GSTCD: variants seen among roughly 807,000 people sequenced by gnomAD.
The protein encoded by GSTCD is glutathione S-transferase C-terminal domain containing.
In GSTCD, 44 loss-of-function variants were observed where a neutral mutation model predicts 68.3. The ratio of observed to expected loss-of-function variants is 0.64; its 90% CI spans 0.51 to 0.83. GSTCD has a LOEUF of 0.83. GSTCD is among the 40% of genes least tolerant of loss of function. The probability of loss-of-function intolerance (pLI) is 0.00; values close to 1 mark genes in which losing one functional copy is unlikely to be tolerated. For missense variants in GSTCD, 739 were observed against 735.9 expected, an observed-to-expected ratio of 1.00 and a Z score of -0.05; for synonymous variants, 273 against 255.2, an observed-to-expected ratio of 1.07 and a Z score of -0.67.
At chr4:105,768,806 G>C (rs934806240) in intron 5 of GSTCD, among the ~76,000 whole-genome samples, 5 of 151,330 alleles carry the variant, frequency 3.3e-5, no homozygotes, top group African/African-American at 1.2e-4. Context: ...CTTCCCTTGG[G>C]AAAATTATTC....
intron 9 of GSTCD, among the ~76,000 whole-genome samples, chr4:105,837,083 T>C (rs947339312): frequency 2.6e-5 from 4 of 152,220 alleles, no homozygotes; most frequent in African/African-American, 9.6e-5. Flanking sequence ...GATTTCCTGA[T>C]GTATTAATCA....
chr4:105,774,195 C>T (rs1413719398), intron 5 of GSTCD, among the ~76,000 whole-genome samples: 3 of 151,996 alleles, frequency 2.0e-5, no homozygotes, highest in African/African-American at 7.2e-5. Flanking sequence ...TTTTTGCTTT[C>T]CATTTGCTTG....
In GSTCD at chr4:105,739,857, T is replaced by G. The variant is rs753484106; in HGVS notation, c.1240+10358T>G. Among the ~76,000 whole-genome samples, 70 of 152,112 alleles carry G rather than the reference T, an allele frequency of 4.6e-4. 1 individual carries two copies. Among genetic ancestry groups the G allele is most frequent in the Middle Eastern group, 3.2e-3 (1 of 316 alleles). ...CCCTAGGAGCAGGTGCAACCATGAC[T>G]GAGGGATGGAACGGTTCTGCCAGAA... is the stretch of plus-strand genomic sequence containing the variant. On this transcript the variant is annotated intron_variant, in intron 5 of 11. Coordinates refer to ENST00000515279, the MANE Select transcript of GSTCD (RefSeq NM_001370181.1).
At chr4:105,834,268 G>A (rs1012228753) in intron 8 of GSTCD, among the ~76,000 whole-genome samples, 193 bp from the exon 9 acceptor site, 12 of 152,130 alleles carry the variant, frequency 7.9e-5, no homozygotes, top group East Asian at 1.9e-4. Flanking sequence ...CAAATTTTCC[G>A]TTGAATGAAT....
chr4:105,788,658 C>T (rs985204476), intron 5 of GSTCD, among the ~76,000 whole-genome samples: 1 of 151,936 alleles, frequency 6.6e-6, no homozygotes, highest in African/African-American at 2.4e-5. Flanking sequence ...ATCTTTATCA[C>T]AGTCTAAAGA....
intron 3 of GSTCD, among the ~76,000 whole-genome samples, chr4:105,721,103 C>G (rs1291016090): frequency 5.9e-5 from 9 of 151,926 alleles, no homozygotes; most frequent in Non-Finnish European, 1.0e-4. Flanking sequence ...TCCCAAGTAG[C>G]TGGGATTATA....
chr4:105,721,440 T>C (rs1732855306), intron 3 of GSTCD, among the ~76,000 whole-genome samples: 2 of 152,114 alleles, frequency 1.3e-5, no homozygotes, highest in Non-Finnish European at 2.9e-5. Flanking sequence ...AAGGTCAAGT[T>C]ACCAGAAACA....
rs552111263 is a variant in GSTCD at position 105,799,362 on chromosome 4, G to A, written c.1241-23592G>A. Among the ~76,000 whole-genome samples, 20 of 152,184 alleles carry A rather than the reference G, an allele frequency of 1.3e-4. No homozygotes were observed. In the South Asian group the frequency reaches 3.3e-3, roughly 25 times the overall value. On this transcript the variant is annotated intron_variant, in intron 5 of 11. Transcript: ENST00000515279. ...TTTGCATTCATATCTTGGCTAGCTCGTGCAAGAGGTCTGTCTCAGCTTTCA... is the reference window on the plus strand; with the variant it reads ...TTTGCATTCATATCTTGGCTAGCTCATGCAAGAGGTCTGTCTCAGCTTTCA...
chr4:105,787,428 C>T (rs532870023), intron 5 of GSTCD, among the ~76,000 whole-genome samples: 9 of 152,128 alleles, frequency 5.9e-5, no homozygotes, highest in Non-Finnish European at 1.2e-4. Context: ...TAAGGCCCCA[C>T]CTCTAGAAAT....
At chr4:105,839,843 T>C (rs569667426) in intron 10 of GSTCD, among the ~76,000 whole-genome samples, 1 of 152,314 alleles carries the variant, frequency 6.6e-6, no homozygotes, top group South Asian at 2.1e-4. Flanking sequence ...GCCCATGGTC[T>C]CCTGGCTAGA....
intron 5 of GSTCD, among the ~76,000 whole-genome samples, chr4:105,752,712 A>G (rs1412294974): frequency 6.6e-6 from 1 of 152,092 alleles, no homozygotes; most frequent in East Asian, 1.9e-4. Flanking sequence ...ACCATGGTTT[A>G]TTTTAGAAAT....
intron 4 of GSTCD, among the ~76,000 whole-genome samples, chr4:105,727,192 C>T (rs1733069887): frequency 6.8e-6 from 1 of 147,370 alleles, no homozygotes; most frequent in Non-Finnish European, 1.5e-5. Flanking sequence ...AAGTTTTGGT[C>T]TCAGCCTTTT....
At chr4:105,804,989 C>T (rs963603451) in intron 5 of GSTCD, among the ~76,000 whole-genome samples, 2 of 152,012 alleles carry the variant, frequency 1.3e-5, no homozygotes, top group African/African-American at 4.8e-5. Flanking sequence ...TTTTTTATGG[C>T]TGCATAGTAA....
intron 3 of GSTCD, among the ~76,000 whole-genome samples, chr4:105,725,681 G>A (rs760734932): frequency 8.6e-5 from 13 of 151,650 alleles, no homozygotes; most frequent in East Asian, 3.9e-4. Flanking sequence ...TCATTTTCTC[G>A]TTGCTGAGTT....
chr4:105,717,608 A>C lies in GSTCD; in HGVS notation c.-6A>C, dbSNP rs201624927. 1.4e-5 allele frequency: 22 copies of C among 1,541,278 alleles called. No individual in the cohort carries two copies. In the East Asian group the frequency reaches 4.9e-4, roughly 35 times the overall value. On this transcript the variant is annotated 5_prime_UTR_variant, in exon 2 of 12. Transcript: ENST00000515279. ...TATACTTTAGGTGACCCAATGAAAG[A>C]AGAAAATGAAAGCCATAAAGAAAAG...
chr4:105,834,576 A>G lies in GSTCD; in HGVS notation c.1646A>G (p.Lys549Arg), dbSNP rs200547905. The change falls in exon 9 of 12, where the codon AAG becomes AGG. Residue 549 changes from lysine to arginine, a missense_variant. By Grantham distance (26) the Lys-to-Arg change is conservative (BLOSUM62 2). Coordinates refer to ENST00000515279, the MANE Select transcript of GSTCD (RefSeq NM_001370181.1). ...TATGGTTTCATTCAGAACACCTCAA[A>G]GTTCAATTTTCCAAAAAGGTGAGAA... ...CCYGFIQNTS[K>R]FNFPKSEQFK... The G allele has an allele frequency of 1.3e-4, 217 of 1,613,898 alleles. 1 individual carries two copies. Among genetic ancestry groups the G allele is most frequent in the Non-Finnish European group, 1.7e-4 (205 of 1,179,932 alleles).
chr4:105,840,624 A>G (rs1724297075), intron 10 of GSTCD, among the ~76,000 whole-genome samples: 1 of 152,202 alleles, frequency 6.6e-6, no homozygotes, highest in Non-Finnish European at 1.5e-5. Context: ...CTGAATGAAC[A>G]GTTGTCGTGG....
rs1212912116 is a variant in GSTCD at position 105,726,812 on chromosome 4, A to C, written c.1128A>C (p.Pro376=). The change falls in exon 4 of 12, where the codon CCA becomes CCC. Residue 376 remains proline (P), a synonymous_variant. Transcript: ENST00000515279. ...CTTTATTTATAGGAGGACCAAGACC[A>C]ACCATGGCCAAGTTAATGGTACTTA... The part of the protein sequence containing the change: ...SDPLFIGGPR[P]TMAKLMEKGI... The C allele has an allele frequency of 1.6e-5, 25 of 1,608,480 alleles. No individual in the cohort carries two copies. Among genetic ancestry groups the C allele is most frequent in the African/African-American group, 2.7e-5 (2 of 74,712 alleles).
intron 8 of GSTCD, among the ~76,000 whole-genome samples, chr4:105,831,389 A>G (rs2149281705): frequency 6.6e-6 from 1 of 152,320 alleles, no homozygotes; most frequent in South Asian, 2.1e-4. Flanking sequence ...TGGGTCTAGA[A>G]GTCCAGTCAG....
Sources: allele counts gnomAD v4.1 joint callset (sites outside exome capture counted in the v4.1 genomes callset), GRCh38; gene constraint gnomAD v4.1.1; transcripts MANE v1.5; gene names NCBI Gene and HGNC (gene_info 2026-07-23, HGNC 2026-07-21).